RAB6B: variants seen among roughly 807,000 people sequenced by gnomAD.
RAB6B encodes the protein ras-related protein Rab-6B.
In RAB6B, 7 loss-of-function variants were observed where a neutral mutation model predicts 31.2. The observed-to-expected ratio is 0.22, with a 90% confidence interval of 0.13 to 0.42. The LOEUF (loss-of-function observed/expected upper bound fraction) is 0.42, where lower values mean the gene tolerates loss of function less well. RAB6B is among the 10% of genes least tolerant of loss of function. The probability of loss-of-function intolerance (pLI) is 1.00; values close to 1 mark genes in which losing one functional copy is unlikely to be tolerated. For synonymous variants in RAB6B, 105 were observed against 104.9 expected, an observed-to-expected ratio of 1.00 and a Z score of -0.01; for missense variants, 149 against 280.6, an observed-to-expected ratio of 0.53 and a Z score of 3.35.
At chr3:133,861,374 G>A (rs868571150) in intron 2 of RAB6B, among the ~76,000 whole-genome samples, 81 of 152,264 alleles carry the variant, frequency 5.3e-4, no homozygotes, top group African/African-American at 1.9e-3. Context: ...GTGTATGTGT[G>A]TTTGGGGGTG....
At chr3:133,881,710 A>C (rs1289472917) in intron 1 of RAB6B, among the ~76,000 whole-genome samples, 1 of 152,200 alleles carries the variant, frequency 6.6e-6, no homozygotes, top group East Asian at 1.9e-4. Flanking sequence ...AAGAAAGAAC[A>C]ATAGCAGATC....
intron 1 of RAB6B, among the ~76,000 whole-genome samples, chr3:133,890,684 A>G (rs976190221): frequency 2.0e-5 from 3 of 152,170 alleles, no homozygotes; most frequent in Non-Finnish European, 4.4e-5. Flanking sequence ...GGCCATCAGC[A>G]AATCTCACAC....
chr3:133,895,438 G>A lies in RAB6B; in HGVS notation c.29C>T (p.Pro10Leu). 1 of 1,611,192 alleles carries A rather than the reference G, an allele frequency of 6.2e-7. No homozygotes were observed. Among genetic ancestry groups the A allele is most frequent in the Non-Finnish European group, 8.5e-7 (1 of 1,178,790 alleles). ...GAACACCAACTTGAATTTTCTCAGTGGATTCCCAAAATCTCCCCCTGCGGA... is the reference window on the plus strand; with the variant it reads ...GAACACCAACTTGAATTTTCTCAGTAGATTCCCAAAATCTCCCCCTGCGGA... Reference protein sequence around the residue: MSAGGDFGNPLRKFKLVFLG... With the variant: MSAGGDFGNLLRKFKLVFLG... Residue 10 changes from proline to leucine, a missense_variant, in exon 1 of 8, where the codon CCA becomes CTA. Around this residue, in one of 2 missense-constraint regions of RAB6B, gnomAD observed 75 missense variants for 180.1 expected, o/e 0.42. Coordinates refer to ENST00000285208, the MANE Select transcript of RAB6B (RefSeq NM_016577.4).
chr3:133,845,458 T>C (rs997563670), intron 2 of RAB6B, among the ~76,000 whole-genome samples: 4 of 152,212 alleles, frequency 2.6e-5, no homozygotes, highest in African/African-American at 9.7e-5. Flanking sequence ...CCTCACCAGA[T>C]GCGGAATCTG....
intron 2 of RAB6B, among the ~76,000 whole-genome samples, chr3:133,849,748 G>A (rs1935952256): frequency 6.6e-6 from 1 of 152,108 alleles, no homozygotes; most frequent in Non-Finnish European, 1.5e-5. Flanking sequence ...AAACTATCTG[G>A]CTACCTACTG....
At chr3:133,888,157 T>A (rs1432371020) in intron 1 of RAB6B, among the ~76,000 whole-genome samples, 1 of 152,174 alleles carries the variant, frequency 6.6e-6, no homozygotes, top group Non-Finnish European at 1.5e-5. Context: ...AGGCAAGAGG[T>A]CTGATAGTCC....
chr3:133,836,517 GACC>G (rs921201957), intron 6 of RAB6B, among the ~76,000 whole-genome samples: 9 of 152,262 alleles, frequency 5.9e-5, no homozygotes, highest in Admixed American at 2.0e-4. Flanking sequence ...GTTCGAAACT[GACC>G]ACATTTAACT....
In RAB6B at chr3:133,838,347, G is replaced by A; in HGVS notation, c.402-88C>T. On this transcript the variant is annotated intron_variant, in intron 5 of 7. Transcript: ENST00000285208. Reference sequence around the variant, plus strand: ...GAGGGACCCACCCAGCAGGGCAGAGGGAGCCCACTGGGCCCTTGGTCAGTC... The same window carrying A: ...GAGGGACCCACCCAGCAGGGCAGAGAGAGCCCACTGGGCCCTTGGTCAGTC... 3.4e-6 allele frequency: 4 copies of A among 1,178,254 alleles called. No individual in the cohort carries two copies. In the South Asian group the frequency reaches 4.9e-5, roughly 14 times the overall value. The allele number at this position is 1,178,254 out of a possible 1,614,324, so 73.0% of individuals were successfully genotyped here.
intron 4 of RAB6B, 149 bp downstream of exon 4, chr3:133,841,136 T>G (rs954390912): frequency 1.4e-6 from 1 of 725,904 alleles, no homozygotes; most frequent in African/African-American, 1.8e-5. Context: ...CACTGCTCCC[T>G]GCCTTTCTGC....
intron 7 of RAB6B, among the ~76,000 whole-genome samples, chr3:133,833,422 C>T (rs1329108298): frequency 6.6e-6 from 1 of 152,102 alleles, no homozygotes; most frequent in African/African-American, 2.4e-5. Flanking sequence ...CCTTGGTGAG[C>T]CTTCCTGACC....
chr3:133,888,417 T>C (rs1407091522), intron 1 of RAB6B, among the ~76,000 whole-genome samples: 4 of 152,232 alleles, frequency 2.6e-5, no homozygotes, highest in Admixed American at 2.6e-4. Context: ...ATTCTTTTTA[T>C]GCATTTCCTG....
At chr3:133,884,371 C>T (rs1006112400) in intron 1 of RAB6B, among the ~76,000 whole-genome samples, 23 of 152,240 alleles carry the variant, frequency 1.5e-4, no homozygotes, top group Admixed American at 1.3e-3. Flanking sequence ...GGGTTCAAAA[C>T]GGCAGTGTCT....
intron 1 of RAB6B, among the ~76,000 whole-genome samples, chr3:133,893,230 C>T (rs571101073): frequency 9.8e-5 from 15 of 152,302 alleles, no homozygotes; most frequent in Non-Finnish European, 1.6e-4. Context: ...TGTTGGCTTC[C>T]CCAATTCAAG....
At chr3:133,879,643 T>C (rs62269106) in intron 1 of RAB6B, among the ~76,000 whole-genome samples, 14,510 of 152,262 alleles carry the variant, frequency 0.095, 1,301 homozygotes, top group African/African-American at 0.24. Context: ...GGACCGACAG[T>C]CAAGGGCAAT....
In RAB6B at chr3:133,828,667, G is replaced by T; in HGVS notation, c.*121C>A. On this transcript the variant is annotated 3_prime_UTR_variant, in exon 8 of 8. Coordinates refer to ENST00000285208, the MANE Select transcript of RAB6B (RefSeq NM_016577.4). ...CCATCCCACCCTACTCCTAAAGACA[G>T]AGAGAAAAGAAAAATCCTCCCATCT... 1.6e-6 allele frequency: 1 copy of T among 642,074 alleles called. No homozygotes were observed. The highest frequency in any genetic ancestry group is 2.7e-6 in the Non-Finnish European group (1 of 372,636). 39.8% of individuals were successfully genotyped at this position (642,074 alleles called of 1,614,324 possible). A position where few individuals can be genotyped will look rare whatever the true frequency, so the allele number is the denominator to read the frequency against.
intron 2 of RAB6B, among the ~76,000 whole-genome samples, chr3:133,852,720 C>T (rs1179640748): frequency 6.6e-6 from 1 of 152,158 alleles, no homozygotes; most frequent in African/African-American, 2.4e-5. Context: ...CACAAGTGAT[C>T]CTTCCGCTTC....
At chr3:133,855,184 G>A (rs902058721) in intron 2 of RAB6B, among the ~76,000 whole-genome samples, 1 of 152,268 alleles carries the variant, frequency 6.6e-6, no homozygotes, top group African/African-American at 2.4e-5. Flanking sequence ...AAATGAGCCT[G>A]CTGAAACTTC....
intron 4 of RAB6B, 150 bp downstream of exon 4, chr3:133,841,135 C>G: frequency 1.4e-6 from 1 of 720,872 alleles, no homozygotes; most frequent in Non-Finnish European, 2.3e-6. Flanking sequence ...CCACTGCTCC[C>G]TGCCTTTCTG....
Position 133,827,952 on chromosome 3 carries a change from C to A in RAB6B, c.*836G>T. On this transcript the variant is annotated 3_prime_UTR_variant, in exon 8 of 8. Transcript: ENST00000285208. The stretch of plus-strand genomic sequence containing the variant: ...TACACATGGCACCCCAGTCTATAAA[C>A]CACGCACCACGCAGCTGCAATTGCC... The A allele has an allele frequency of 1.4e-6, 1 of 703,002 alleles. No individual in the cohort carries two copies. 43.5% of individuals were successfully genotyped at this position (703,002 alleles called of 1,614,324 possible).
Sources: allele counts gnomAD v4.1 joint callset (sites outside exome capture counted in the v4.1 genomes callset), GRCh38; gene constraint gnomAD v4.1.1; regional missense constraint gnomAD v4.1.1; transcripts MANE v1.5; gene names NCBI Gene and HGNC (gene_info 2026-07-23, HGNC 2026-07-21).